PDE8B: variants seen among roughly 807,000 people sequenced by gnomAD.
PDE8B encodes high affinity cAMP-specific and IBMX-insensitive 3',5'-cyclic phosphodiesterase 8B.
PDE8B carries 26 observed loss-of-function variants against 101.3 expected under a neutral mutation model. The observed-to-expected ratio is 0.26, with a 90% CI of 0.19 to 0.36. The LOEUF (loss-of-function observed/expected upper bound fraction) is 0.36. Among genes scored for constraint, PDE8B ranks in the 10% least tolerant of loss-of-function variants. The pLI is 1.00. For missense variants in PDE8B, 810 were observed against 1,163.1 expected (o/e 0.70, Z 4.42); for synonymous variants, 424 against 429.3 (o/e 0.99, Z 0.15).
chr5:77,336,629 T>C (rs1276558186), intron 5 of PDE8B, among the ~76,000 whole-genome samples: 1 of 152,230 alleles, frequency 6.6e-6, no homozygotes, highest in African/African-American at 2.4e-5. Context: ...TGTTCAAATG[T>C]TGGACATTTG....
At chr5:77,255,443 A>G (rs1758913435) in intron 1 of PDE8B, among the ~76,000 whole-genome samples, 1 of 152,084 alleles carries the variant, frequency 6.6e-6, no homozygotes. Flanking sequence ...TAAAATCCTT[A>G]ATAATTTAGT....
At chr5:77,366,293 C>T (rs1468147322) in intron 10 of PDE8B, among the ~76,000 whole-genome samples, 1 of 152,162 alleles carries the variant, frequency 6.6e-6, no homozygotes, top group Non-Finnish European at 1.5e-5. Flanking sequence ...ACCAAAACTC[C>T]AAGTCTTGTT....
At chr5:77,296,408 T>C (rs1353402927) in intron 1 of PDE8B, among the ~76,000 whole-genome samples, 2 of 151,982 alleles carry the variant, frequency 1.3e-5, no homozygotes, top group Non-Finnish European at 2.9e-5. Flanking sequence ...ACTACAGATA[T>C]ACACCACCGT....
rs554159870 is a variant in PDE8B at position 77,280,821 on chromosome 5, G to A, written c.340-31173G>A. ...CTGAGGCAGGAGAATCGCTTGAACC[G>A]GGGAGGTGGAGGTTGCAGTGAGCTA... On this transcript the variant is annotated intron_variant, in intron 1 of 21. Transcript: ENST00000264917. 1.9e-4 allele frequency among the ~76,000 whole-genome samples: 29 copies of A among 152,206 alleles called. No homozygotes were observed. In the Middle Eastern group the frequency reaches 0.014, roughly 71 times the overall value.
the PDE8B span, chr5:77,134,517 T>C: frequency 6.6e-6 from 1 of 152,220 alleles, no homozygotes; most frequent in Non-Finnish European, 1.5e-5. Flanking sequence ...CCAGGGCATT[T>C]TGGACTCTTT....
chr5:77,346,740 C>G (rs187087897), intron 7 of PDE8B, among the ~76,000 whole-genome samples: 18 of 152,274 alleles, frequency 1.2e-4, no homozygotes, highest in Admixed American at 5.2e-4. Context: ...CAGCTTTTTT[C>G]TCAGGGAACC....
chr5:77,314,958 G>A (rs1004584463), intron 2 of PDE8B, among the ~76,000 whole-genome samples: 6 of 151,690 alleles, frequency 4.0e-5, no homozygotes, highest in Non-Finnish European at 7.4e-5. Flanking sequence ...TTTGTTTATT[G>A]GCCATTCCTC....
chr5:77,417,926 A>G (rs1420994101), intron 17 of PDE8B, among the ~76,000 whole-genome samples: 1 of 152,190 alleles, frequency 6.6e-6, no homozygotes, highest in Non-Finnish European at 1.5e-5. Flanking sequence ...TGTGGCAGAA[A>G]TACCATACAG....
At chr5:77,181,706 G>A in the PDE8B span, among the ~76,000 whole-genome samples, 1 of 152,138 alleles carries the variant, frequency 6.6e-6, no homozygotes, top group African/African-American at 2.4e-5. Flanking sequence ...ATGGACGGTC[G>A]GTCGGGAGGT....
At chr5:77,261,654 C>G (rs368059597) in intron 1 of PDE8B, among the ~76,000 whole-genome samples, 1 of 152,336 alleles carries the variant, frequency 6.6e-6, no homozygotes, top group East Asian at 1.9e-4. Flanking sequence ...CCTAGATTGC[C>G]GGCCAGAGGG....
chr5:77,419,924 G>A (rs1193166360), intron 19 of PDE8B, 37 bp downstream of exon 19: 13 of 1,611,756 alleles, frequency 8.1e-6, no homozygotes, highest in Non-Finnish European at 1.0e-5. Flanking sequence ...GCACATCCAA[G>A]TACATTTCCA....
chr5:77,356,386 G>T (rs2150507631), intron 10 of PDE8B, among the ~76,000 whole-genome samples: 1 of 152,216 alleles, frequency 6.6e-6, no homozygotes, highest in African/African-American at 2.4e-5. Context: ...AGGGAAAAAA[G>T]GAGGCAGTTA....
Position 77,419,777 on chromosome 5 carries a change from C to T in PDE8B, c.2140C>T (p.Arg714Ter), listed in dbSNP as rs1346301868. ...IFKNIDRNHY[R>*]TLRQAIIDMV... Reference sequence around the variant, plus strand: ...TTGTGGTTATTTTAGGAACCATTATCGAACGCTGCGCCAGGCTATTATTGA... The same window carrying T: ...TTGTGGTTATTTTAGGAACCATTATTGAACGCTGCGCCAGGCTATTATTGA... The change falls in exon 19 of 22, where the codon CGA becomes TGA. Residue 714 changes from arginine (R) to a stop codon, truncating the protein, a stop_gained. Transcript: ENST00000264917. LOFTEE classifies it high-confidence loss of function. 2 of 1,613,796 alleles carry T rather than the reference C, an allele frequency of 1.2e-6. No individual in the cohort carries two copies. The highest frequency in any genetic ancestry group is 1.3e-5 in the African/African-American group (1 of 74,906).
At chr5:77,376,996 T>C (rs1786263048) in intron 10 of PDE8B, among the ~76,000 whole-genome samples, 1 of 152,172 alleles carries the variant, frequency 6.6e-6, no homozygotes. Context: ...TGACAATTCT[T>C]TAAGAACAAG....
chr5:77,415,821 G>A (rs183956234), intron 17 of PDE8B, among the ~76,000 whole-genome samples: 23 of 152,282 alleles, frequency 1.5e-4, no homozygotes, highest in East Asian at 5.8e-4. Context: ...AGGATAACAA[G>A]CATTCCTTTA....
chr5:77,398,322 T>A (rs1456841287), intron 10 of PDE8B, among the ~76,000 whole-genome samples: 3 of 89,534 alleles, frequency 3.4e-5, no homozygotes, highest in African/African-American at 9.4e-5. Context: ...GTTTTACTTT[T>A]TTTTTTTTTT....
At chr5:77,379,610 G>A (rs1191799485) in intron 10 of PDE8B, among the ~76,000 whole-genome samples, 1 of 152,134 alleles carries the variant, frequency 6.6e-6, no homozygotes, top group Non-Finnish European at 1.5e-5. Context: ...CTTGTGGGTG[G>A]CTTTGAGAGC....
chr5:77,148,454 A>C, the PDE8B span: 1 of 152,328 alleles, frequency 6.6e-6, no homozygotes, highest in East Asian at 1.9e-4. Context: ...AAACTGTCAA[A>C]CTGTTTTCTA....
intron 1 of PDE8B, among the ~76,000 whole-genome samples, chr5:77,288,522 T>C (rs917077185): frequency 6.6e-6 from 1 of 152,122 alleles, no homozygotes; most frequent in African/African-American, 2.4e-5. Flanking sequence ...AAAAGTAAGG[T>C]TCAGAGAGAA....
Sources: gnomAD v4.1 joint callset for allele counts (sites outside exome capture counted in the v4.1 genomes callset) on GRCh38, gnomAD v4.1.1 for gene constraint, MANE v1.5 for transcripts, NCBI Gene and HGNC (gene_info 2026-07-23, HGNC 2026-07-21) for gene names.